The following TRMT6 variants were observed in gnomAD, a reference collection of about 807,000 sequenced individuals.
The protein encoded by TRMT6 is tRNA methyltransferase 6 non-catalytic subunit.
Under a neutral mutation model 59.0 loss-of-function variants are expected in TRMT6, and 34 were observed. The ratio of observed to expected loss-of-function variants is 0.58; its 90% confidence interval spans 0.44 to 0.77. The LOEUF (loss-of-function observed/expected upper bound fraction) is 0.77. TRMT6 is among the 30% of genes least tolerant of loss of function. The pLI, the probability that TRMT6 is intolerant of heterozygous loss-of-function variation, is 0.00. For synonymous variants in TRMT6, 217 were observed against 210.5 expected, an observed-to-expected ratio of 1.03 and a Z score of -0.27; for missense variants, 575 against 604.5, an observed-to-expected ratio of 0.95 and a Z score of 0.51.
chr20:5,938,622 G>A lies in TRMT6; in HGVS notation c.1407C>T (p.Ser469=). 2 of 1,614,174 alleles carry A rather than the reference G, an allele frequency of 1.2e-6. No homozygotes were observed. Among genetic ancestry groups the A allele is most frequent in the Non-Finnish European group, 8.5e-7 (1 of 1,180,016 alleles). ...CTAAAGTGCTTGCATTAGATTTGAG[G>A]CTGGTGTCTGCTTTAAGGTTGTCCA... The part of the protein sequence containing the change: ...VAMDNLKADT[S]LKSNASTLES... The change falls in exon 11 of 11, where the codon AGC becomes AGT. Residue 469 remains serine (S), a synonymous_variant. Transcript: ENST00000203001.
chr20:5,944,343 A>G (rs1389360065), intron 3 of TRMT6, 90 bp from the exon 4 acceptor site: 2 of 716,966 alleles, frequency 2.8e-6, no homozygotes, highest in Non-Finnish European at 4.6e-6. Context: ...AATGGATCCA[A>G]TGGTCTGATT....
In TRMT6 at chr20:5,944,048, CAG is replaced by C. The variant is rs1331925304; in HGVS notation, c.459-19_459-18del. 6.5e-7 allele frequency: 1 copy of C among 1,547,462 alleles called. No homozygotes were observed. The highest frequency in any genetic ancestry group is 2.3e-5 in the East Asian group (1 of 43,880). On this transcript the variant is annotated intron_variant, in intron 4 of 10. Coordinates refer to ENST00000203001, the MANE Select transcript of TRMT6 (RefSeq NM_015939.5). ...GCTTCATATCTGGGGGAAGAAAAAA[CAG>C]AACGCTGATTTAAAAAAATGACTTA...
intron 1 of TRMT6, among the ~76,000 whole-genome samples, chr20:5,949,810 C>G (rs914121898): frequency 2.8e-4 from 43 of 151,802 alleles, no homozygotes; most frequent in African/African-American, 1.0e-3. Flanking sequence ...AAAGGGGGAA[C>G]CTGAAGGAGA....
intron 7 of TRMT6, 75 bp from the exon 8 acceptor site, chr20:5,942,111 A>G: frequency 7.9e-7 from 1 of 1,268,600 alleles, no homozygotes; most frequent in South Asian, 1.2e-5. Flanking sequence ...TGGCCTGTCA[A>G]AACATTTCAA....
intron 8 of TRMT6, 88 bp from the exon 9 acceptor site, chr20:5,941,433 T>C: frequency 1.1e-6 from 1 of 909,550 alleles, no homozygotes; most frequent in Non-Finnish European, 1.7e-6. Context: ...ATCATGTATT[T>C]AATTTGCATG....
chr20:5,938,286 T>C lies in TRMT6; in HGVS notation c.*249A>G, dbSNP rs2088624519. ...TCTCAAGATATTTGCACAGAATATTTAGAAGTACTTAGAGGAGTTTTGTTA... is the reference window on the plus strand; with the variant it reads ...TCTCAAGATATTTGCACAGAATATTCAGAAGTACTTAGAGGAGTTTTGTTA... On this transcript the variant is annotated 3_prime_UTR_variant, in exon 11 of 11. Coordinates refer to ENST00000203001, the MANE Select transcript of TRMT6 (RefSeq NM_015939.5). 1 of 381,890 alleles carries C rather than the reference T, an allele frequency of 2.6e-6. No individual in the cohort carries two copies. Among genetic ancestry groups the C allele is most frequent in the Non-Finnish European group, 4.7e-6 (1 of 213,240 alleles). The allele number at this position is 381,890 out of a possible 1,614,324, so 23.7% of individuals were successfully genotyped here.
intron 1 of TRMT6, 96 bp downstream of exon 1, chr20:5,950,182 G>T (rs923329682): frequency 1.5e-6 from 2 of 1,352,662 alleles, no homozygotes; most frequent in African/African-American, 2.9e-5. Context: ...AGCCAAGAAT[G>T]GCACCCTGGC....
At chr20:5,945,006 C>T in intron 2 of TRMT6, 92 bp from the exon 3 acceptor site, 1 of 1,002,942 alleles carries the variant, frequency 1.0e-6, no homozygotes, top group South Asian at 1.4e-5. Context: ...AGTCCATCAG[C>T]CACTCAAGTC....
At chr20:5,946,685 C>G (rs2088709959) in intron 1 of TRMT6, 152 bp from the exon 2 acceptor site, 3 of 721,618 alleles carry the variant, frequency 4.2e-6, no homozygotes, top group South Asian at 2.0e-5. Flanking sequence ...CTAGAGAGAA[C>G]CTGGTTGGGA....
At chr20:5,942,823 G>A (rs2088670624) in intron 6 of TRMT6, 37 bp from the exon 7 acceptor site, 2 of 1,539,606 alleles carry the variant, frequency 1.3e-6, no homozygotes, top group African/African-American at 1.4e-5. Context: ...TGCCCGTGGA[G>A]TGACTCTAGA....
chr20:5,949,203 A>G (rs1385185183), intron 1 of TRMT6, among the ~76,000 whole-genome samples: 1 of 151,538 alleles, frequency 6.6e-6, no homozygotes, highest in Non-Finnish European at 1.5e-5. Flanking sequence ...AAATACAAAA[A>G]AAAAAAAAAA....
intron 6 of TRMT6, among the ~76,000 whole-genome samples, 179 bp downstream of exon 6, chr20:5,943,380 G>T (rs2122603854): frequency 6.6e-6 from 1 of 152,286 alleles, no homozygotes; most frequent in East Asian, 1.9e-4. Flanking sequence ...CATGGGTGGG[G>T]GGCTGGGTGA....
intron 1 of TRMT6, among the ~76,000 whole-genome samples, chr20:5,949,648 C>T (rs547437321): frequency 6.6e-5 from 10 of 152,326 alleles, no homozygotes; most frequent in African/African-American, 2.4e-4. Flanking sequence ...TGATTCCACA[C>T]TCTGTGGTGA....
Position 5,946,488 on chromosome 20 carries a change from A to G in TRMT6, c.174T>C (p.Ile58=). The change falls in exon 2 of 11, where the codon ATT becomes ATC. Residue 58 remains isoleucine, a synonymous_variant. Coordinates refer to ENST00000203001, the MANE Select transcript of TRMT6 (RefSeq NM_015939.5). ...CAAATGCAGTTCCATAACTATGGCC[A>G]ATGACGTTATCCAGGTAGAACCACT... is the stretch of plus-strand genomic sequence containing the variant. ...EKQWFYLDNV[I]GHSYGTAFEV... is the part of the protein sequence containing the mutation. 1 of 1,614,146 alleles carries G rather than the reference A, an allele frequency of 6.2e-7. No homozygotes were observed. The highest frequency in any genetic ancestry group is 2.2e-5 in the East Asian group (1 of 44,880).
chr20:5,945,153 C>T (rs575887413), intron 2 of TRMT6, among the ~76,000 whole-genome samples: 8 of 152,328 alleles, frequency 5.3e-5, no homozygotes, highest in Non-Finnish European at 1.0e-4. Context: ...TGTTTAAATG[C>T]AATTTGACTC....
intron 6 of TRMT6, 75 bp downstream of exon 6, chr20:5,943,484 T>A (rs1344052490): frequency 2.5e-6 from 4 of 1,580,098 alleles, no homozygotes; most frequent in Non-Finnish European, 3.4e-6. Flanking sequence ...TGGCTTTCCA[T>A]GAGTTTACAT....
At chr20:5,938,906 CCCTT>C (rs2088632226) in intron 10 of TRMT6, among the ~76,000 whole-genome samples, 180 bp from the exon 11 acceptor site, 1 of 135,042 alleles carries the variant, frequency 7.4e-6, no homozygotes, top group East Asian at 2.6e-4. Flanking sequence ...TTCCTTCCTT[CCCTT>C]CCTTCCTCCC....
At chr20:5,945,935 A>G (rs747353557) in intron 2 of TRMT6, among the ~76,000 whole-genome samples, 1 of 152,208 alleles carries the variant, frequency 6.6e-6, no homozygotes, top group Non-Finnish European at 1.5e-5. Context: ...TAGGCATTAA[A>G]TGTGTTTATG....
chr20:5,942,902 G>T, intron 6 of TRMT6, 116 bp from the exon 7 acceptor site: 1 of 780,954 alleles, frequency 1.3e-6, no homozygotes, highest in Non-Finnish European at 2.1e-6. Context: ...ACTTTATTCA[G>T]AGGCTGAAGG....
Sources: allele counts gnomAD v4.1 joint callset (sites outside exome capture counted in the v4.1 genomes callset), GRCh38; gene constraint gnomAD v4.1.1; transcripts MANE v1.5; gene names NCBI Gene and HGNC (gene_info 2026-07-23, HGNC 2026-07-21).